DLGAP2: variants seen among roughly 807,000 people sequenced by gnomAD.
The protein encoded by DLGAP2 is DLG associated protein 2, also known as disks large-associated protein 2.
DLGAP2 carries 26 observed loss-of-function variants against 100.3 expected under a neutral mutation model. The ratio of observed to expected loss-of-function variants is 0.26; its 90% CI spans 0.19 to 0.36. The LOEUF (loss-of-function observed/expected upper bound fraction) is 0.36, where lower values mean the gene tolerates loss of function less well. DLGAP2 is among the 10% of genes least tolerant of loss of function. The pLI is 1.00. For synonymous variants in DLGAP2, 886 were observed against 630.1 expected (o/e 1.41, Z -6.08); for missense variants, 1,858 against 1,453.2 (o/e 1.28, Z -4.53).
intron 7 of DLGAP2, among the ~76,000 whole-genome samples, chr8:1,629,068 T>C (rs1193995250): frequency 6.6e-6 from 1 of 152,266 alleles, no homozygotes; most frequent in East Asian, 1.9e-4. Flanking sequence ...GATCATGCTG[T>C]GAGCTCTTGG....
chr8:1,222,638 C>T (rs553902606), intron 2 of DLGAP2, among the ~76,000 whole-genome samples: 40 of 149,474 alleles, frequency 2.7e-4, no homozygotes, highest in East Asian at 9.8e-4. Context: ...TGGGTGTACA[C>T]GGTGGGGGGA....
chr8:1,481,250 C>G (rs1799084424), intron 3 of DLGAP2, among the ~76,000 whole-genome samples: 1 of 152,030 alleles, frequency 6.6e-6, no homozygotes, highest in Non-Finnish European at 1.5e-5. Flanking sequence ...CTCCTGGAGC[C>G]TAGTTTTACG....
intron 1 of DLGAP2, among the ~76,000 whole-genome samples, chr8:872,396 C>T (rs936514388): frequency 5.4e-5 from 8 of 148,834 alleles, no homozygotes; most frequent in East Asian, 2.0e-4. Context: ...TACAACGGCG[C>T]GATCTCGGCT....
At chr8:1,652,150 A>G (rs1348262807) in intron 8 of DLGAP2, among the ~76,000 whole-genome samples, 1 of 152,228 alleles carries the variant, frequency 6.6e-6, no homozygotes, top group Non-Finnish European at 1.5e-5. Context: ...GGTGCTAAGG[A>G]ACTATTACAT....
At chr8:1,194,788 A>G (rs1439492179) in intron 2 of DLGAP2, among the ~76,000 whole-genome samples, 1 of 152,160 alleles carries the variant, frequency 6.6e-6, no homozygotes, top group Non-Finnish European at 1.5e-5. Context: ...TCCCTACAGA[A>G]GTCTCTTATC....
chr8:1,324,876 A>G (rs1422424139), intron 3 of DLGAP2, among the ~76,000 whole-genome samples: 2 of 152,200 alleles, frequency 1.3e-5, no homozygotes, highest in African/African-American at 4.8e-5. Context: ...TGCAGAGAGC[A>G]CAAGAATAAA....
At chr8:1,661,232 C>G (rs549140826) in intron 8 of DLGAP2, among the ~76,000 whole-genome samples, 1 of 152,324 alleles carries the variant, frequency 6.6e-6, no homozygotes, top group East Asian at 1.9e-4. Flanking sequence ...CCCAGCTTCT[C>G]CTCATCCCGC....
intron 2 of DLGAP2, among the ~76,000 whole-genome samples, chr8:1,227,100 T>C (rs942433799): frequency 2.2e-5 from 3 of 135,018 alleles, no homozygotes; most frequent in African/African-American, 3.3e-5. Flanking sequence ...ATAGCCGAGA[T>C]ACAGAAATGA....
At chr8:1,530,231 G>C (rs1800942382) in intron 4 of DLGAP2, among the ~76,000 whole-genome samples, 1 of 152,082 alleles carries the variant, frequency 6.6e-6, no homozygotes, top group Non-Finnish European at 1.5e-5. Flanking sequence ...GTGCACCTGG[G>C]GGGGCTGTTT....
chr8:1,386,476 C>A (rs553383984), intron 3 of DLGAP2, among the ~76,000 whole-genome samples: 2 of 152,210 alleles, frequency 1.3e-5, no homozygotes, highest in Admixed American at 6.5e-5. Flanking sequence ...CTGGGAGAAC[C>A]TGCAGAATTC....
At chr8:941,779 A>G (rs1256681862) in intron 2 of DLGAP2, among the ~76,000 whole-genome samples, 2 of 152,106 alleles carry the variant, frequency 1.3e-5, no homozygotes, top group South Asian at 2.1e-4. Context: ...ATTTTACATC[A>G]GTGTAGGTCC....
At chr8:1,667,685 C>A (rs1481144075) in intron 8 of DLGAP2, among the ~76,000 whole-genome samples, 1 of 152,252 alleles carries the variant, frequency 6.6e-6, no homozygotes, top group Non-Finnish European at 1.5e-5. Flanking sequence ...CCTCTTCTCA[C>A]ACACAGGTTT....
chr8:1,448,569 T>C lies in DLGAP2; in HGVS notation c.107-52797T>C, dbSNP rs370176235. ...TGAAAAAAATGTATATTCTGTTGAT[T>C]TGGGGTGGAGAGTTCTGTAGATGTC... On this transcript the variant is annotated intron_variant, in intron 3 of 14. Transcript: ENST00000637795. 2.6e-5 allele frequency among the ~76,000 whole-genome samples: 4 copies of C among 152,222 alleles called. No individual in the cohort carries two copies. In the East Asian group the frequency reaches 7.7e-4, roughly 29 times the overall value.
intron 2 of DLGAP2, among the ~76,000 whole-genome samples, chr8:922,089 A>G (rs1042495084): frequency 6.6e-6 from 1 of 152,192 alleles, no homozygotes. Context: ...TCCTGGGAGA[A>G]ACGGCTCCTT....
chr8:1,704,326 G>T lies in DLGAP2; in HGVS notation c.*2920G>T, dbSNP rs999772681. The T allele has an allele frequency of 1.3e-5, 2 of 152,178 alleles. No individual in the cohort carries two copies. The highest frequency in any genetic ancestry group is 2.9e-5 in the Non-Finnish European group (2 of 68,042). The allele number at this position is 152,178 out of a possible 1,614,324, so 9.4% of individuals were successfully genotyped here. A position where few individuals can be genotyped will look rare whatever the true frequency, so the allele number is the denominator to read the frequency against. On this transcript the variant is annotated 3_prime_UTR_variant, in exon 15 of 15. Transcript: ENST00000637795. ...TAACCCCATACCTACATTCCCTAAT[G>T]ATACAGCCAATGACAGGTGAAACCC...
chr8:1,600,320 C>G (rs1796586359), intron 6 of DLGAP2, among the ~76,000 whole-genome samples: 1 of 152,120 alleles, frequency 6.6e-6, no homozygotes, highest in South Asian at 2.1e-4. Context: ...TCCTTCATTT[C>G]AACCTTGGTG....
In DLGAP2 at chr8:1,369,832, AC is replaced by A. The variant is rs1307182619; in HGVS notation, c.106+110950del. ...GGTTCTCTGATGCTCTCACGGATCC[AC>A]AGTAGAGACTTGGAGGCGCGAGGCG... On this transcript the variant is annotated intron_variant, in intron 3 of 14. Transcript: ENST00000637795. The A allele has an allele frequency of 5.9e-5, 9 of 152,386 alleles. No homozygotes were observed. In the East Asian group the frequency reaches 1.5e-3, roughly 26 times the overall value. 9.4% of individuals were successfully genotyped at this position (152,386 alleles called of 1,614,324 possible). A position where few individuals can be genotyped will look rare whatever the true frequency, so the allele number is the denominator to read the frequency against.
intron 3 of DLGAP2, among the ~76,000 whole-genome samples, chr8:1,477,399 C>G (rs2130230893): frequency 6.6e-6 from 1 of 152,298 alleles, no homozygotes; most frequent in East Asian, 1.9e-4. Context: ...TGAAACCAGC[C>G]TCTCTCCCCA....
chr8:1,610,131 G>A (rs1160984367), intron 6 of DLGAP2, among the ~76,000 whole-genome samples: 4 of 151,772 alleles, frequency 2.6e-5, no homozygotes, highest in African/African-American at 9.7e-5. Flanking sequence ...TGACCACATA[G>A]TTGGAAGTAA....
Sources: gnomAD v4.1 joint callset for allele counts (sites outside exome capture counted in the v4.1 genomes callset) on GRCh38, gnomAD v4.1.1 for gene constraint, MANE v1.5 for transcripts, NCBI Gene and HGNC (gene_info 2026-07-23, HGNC 2026-07-21) for gene names.